The following SRPK1 variants were observed in gnomAD, a reference collection of about 807,000 sequenced individuals.
The protein encoded by SRPK1 is SFRS protein kinase 1.
In SRPK1, 52 loss-of-function variants were observed where a neutral mutation model predicts 89.5. The ratio of observed to expected loss-of-function variants is 0.58; its 90% confidence interval spans 0.46 to 0.73. The LOEUF (loss-of-function observed/expected upper bound fraction) is 0.73, where lower values mean the gene tolerates loss of function less well. Ranked by LOEUF, SRPK1 falls within the 30% of genes least tolerant of loss-of-function variation. The pLI, the probability that SRPK1 is intolerant of heterozygous loss-of-function variation, is 0.00. For synonymous variants in SRPK1, 255 were observed against 270.2 expected, an observed-to-expected ratio of 0.94 and a Z score of 0.55; for missense variants, 603 against 780.6, an observed-to-expected ratio of 0.77 and a Z score of 2.71.
At chr6:35,891,129 C>A in intron 2 of SRPK1, 116 bp from the exon 3 acceptor site, 1 of 1,217,800 alleles carries the variant, frequency 8.2e-7, no homozygotes, top group Non-Finnish European at 1.1e-6. Context: ...AGAGTATTAC[C>A]AAGTGGCAGC....
At chr6:35,902,678 G>A (rs1770769037) in intron 2 of SRPK1, among the ~76,000 whole-genome samples, 1 of 152,110 alleles carries the variant, frequency 6.6e-6, no homozygotes, top group Non-Finnish European at 1.5e-5. Flanking sequence ...GCTGAAATCC[G>A]GGACTGTGTA....
chr6:35,902,769 G>A (rs1417676316), intron 2 of SRPK1, among the ~76,000 whole-genome samples: 2 of 152,142 alleles, frequency 1.3e-5, no homozygotes, highest in Non-Finnish European at 2.9e-5. Context: ...ATATTAGCAT[G>A]AATTACCTAA....
chr6:35,889,715 T>A (rs1352947340), intron 3 of SRPK1, among the ~76,000 whole-genome samples: 1 of 134,166 alleles, frequency 7.5e-6, no homozygotes. Flanking sequence ...ACCCAGGAGG[T>A]GGAGGTTGCA....
intron 13 of SRPK1, among the ~76,000 whole-genome samples, chr6:35,855,629 A>T (rs1373272383): frequency 6.6e-6 from 1 of 152,162 alleles, no homozygotes; most frequent in Non-Finnish European, 1.5e-5. Context: ...TTTTCCTGGT[A>T]GGAAGTCTCT....
intron 8 of SRPK1, 120 bp from the exon 9 acceptor site, chr6:35,871,079 A>G: frequency 1.7e-6 from 1 of 588,282 alleles, no homozygotes; most frequent in South Asian, 4.5e-5. Flanking sequence ...CATTGCAGAG[A>G]AAACTATTGT....
chr6:35,839,256 T>C (rs981546842), intron 14 of SRPK1, among the ~76,000 whole-genome samples: 1 of 152,166 alleles, frequency 6.6e-6, no homozygotes. Flanking sequence ...GCTCAAGCAA[T>C]CCTCCTGCCT....
In SRPK1 at chr6:35,878,814, G is replaced by A. The variant is rs564312991; in HGVS notation, c.479-4475C>T. 4.6e-5 allele frequency among the ~76,000 whole-genome samples: 7 copies of A among 152,298 alleles called. No homozygotes were observed. In the East Asian group the frequency reaches 1.2e-3, roughly 25 times the overall value. On this transcript the variant is annotated intron_variant, in intron 6 of 15. Transcript: ENST00000373825. ...ATTAAGACTAGGACATTTACGGCCA[G>A]GCACAGTAGCTCACACCTGTAATCC...
intron 2 of SRPK1, among the ~76,000 whole-genome samples, chr6:35,897,156 AAT>A (rs1051369393): frequency 1.3e-5 from 2 of 152,240 alleles, no homozygotes; most frequent in African/African-American, 2.4e-5. Context: ...AACAATTCTG[AAT>A]ATGTTAAAAC....
chr6:35,902,295 C>T (rs1231926436), intron 2 of SRPK1, among the ~76,000 whole-genome samples: 4 of 150,718 alleles, frequency 2.7e-5, no homozygotes, highest in Non-Finnish European at 1.5e-5. Context: ...TGCCTGTAGT[C>T]GCAGCTACTA....
intron 9 of SRPK1, 37 bp from the exon 10 acceptor site, chr6:35,870,531 G>A (rs1356234401): frequency 7.3e-6 from 11 of 1,517,096 alleles, no homozygotes; most frequent in Non-Finnish European, 8.0e-6. Flanking sequence ...GCCTTCAGGT[G>A]GCTAATTAAT....
chr6:35,856,886 G>C, intron 13 of SRPK1: 1 of 166,986 alleles, frequency 6.0e-6, no homozygotes, highest in Non-Finnish European at 1.3e-5. Context: ...CTGCTGAATT[G>C]TACAAAATGA....
At chr6:35,897,508 T>C (rs1382865139) in intron 2 of SRPK1, among the ~76,000 whole-genome samples, 2 of 152,196 alleles carry the variant, frequency 1.3e-5, no homozygotes, top group African/African-American at 4.8e-5. Flanking sequence ...AGTTATTTAA[T>C]TAATTCATTA....
At chr6:35,853,715 A>G (rs1482200844) in intron 13 of SRPK1, among the ~76,000 whole-genome samples, 1 of 152,206 alleles carries the variant, frequency 6.6e-6, no homozygotes. Context: ...AAAGGAACAT[A>G]TCCCAGAAAG....
At chr6:35,841,572 G>A (rs879328350) in intron 14 of SRPK1, among the ~76,000 whole-genome samples, 13 of 151,910 alleles carry the variant, frequency 8.6e-5, no homozygotes, top group Non-Finnish European at 1.5e-4. Flanking sequence ...GATGGCTCAC[G>A]CCTGTAATCC....
chr6:35,920,059 G>A (rs1268982738), intron 2 of SRPK1: 1 of 459,122 alleles, frequency 2.2e-6, no homozygotes. Context: ...TTTCCTTAAG[G>A]CCTACCGTGA....
chr6:35,838,518 A>C, intron 14 of SRPK1, 89 bp from the exon 15 acceptor site: 1 of 1,308,684 alleles, frequency 7.6e-7, no homozygotes, highest in South Asian at 1.3e-5. Context: ...CAGAAGGAGC[A>C]GCATGCACAT....
chr6:35,884,399 TG>T (rs1241770218), intron 6 of SRPK1, among the ~76,000 whole-genome samples: 1 of 152,146 alleles, frequency 6.6e-6, no homozygotes, highest in African/African-American at 2.4e-5. Context: ...GAAACGATAG[TG>T]GTCCAGAGAA....
intron 13 of SRPK1, among the ~76,000 whole-genome samples, chr6:35,853,294 C>T (rs1216259270): frequency 6.6e-6 from 1 of 151,378 alleles, no homozygotes; most frequent in African/African-American, 2.4e-5. Context: ...GAAACAACAA[C>T]AACAAAAAAA....
At chr6:35,887,949 C>A in intron 5 of SRPK1, 75 bp downstream of exon 5, 2 of 1,077,986 alleles carry the variant, frequency 1.9e-6, no homozygotes, top group Non-Finnish European at 1.3e-6. Flanking sequence ...AGAGCCTCCA[C>A]TTGGTGTGTT....
Sources: gnomAD v4.1 joint callset for allele counts (sites outside exome capture counted in the v4.1 genomes callset) on GRCh38, gnomAD v4.1.1 for gene constraint, MANE v1.5 for transcripts, NCBI Gene and HGNC (gene_info 2026-07-23, HGNC 2026-07-21) for gene names.